Variants in LRRFIP2 observed in about 807,000 individuals in gnomAD.
LRRFIP2 encodes the protein LRR binding FLII interacting protein 2.
A neutral mutation model predicts 125.9 loss-of-function variants in LRRFIP2; 109 were observed. That is an observed-to-expected ratio of 0.87 (90% CI 0.74 to 1.01). The LOEUF is 1.01. Ranked by LOEUF, LRRFIP2 falls within the 50% of genes least tolerant of loss-of-function variation. The probability of loss-of-function intolerance (pLI) is 0.00; values close to 1 mark genes in which losing one functional copy is unlikely to be tolerated. For missense variants in LRRFIP2, 850 were observed against 862.3 expected, an observed-to-expected ratio of 0.99 and a Z score of 0.18; for synonymous variants, 291 against 293.1, an observed-to-expected ratio of 0.99 and a Z score of 0.07.
chr3:37,126,585 G>A (rs1454789442), intron 4 of LRRFIP2, among the ~76,000 whole-genome samples: 8 of 151,496 alleles, frequency 5.3e-5, no homozygotes, highest in Admixed American at 1.3e-4. Flanking sequence ...TTGGCTGGGC[G>A]CGGTGGCTCA....
At chr3:37,162,073 T>G (rs1412890743) in intron 1 of LRRFIP2, among the ~76,000 whole-genome samples, 1 of 147,968 alleles carries the variant, frequency 6.8e-6, no homozygotes, top group Non-Finnish European at 1.5e-5. Flanking sequence ...GGAGCATCGC[T>G]TGAGCCCAGG....
rs1185534448 is a variant in LRRFIP2, at chr3:37,052,651, T to C, written c.*1200A>G. 1 of 152,242 alleles carries C rather than the reference T, an allele frequency of 6.6e-6. No homozygotes were observed. The highest frequency in any genetic ancestry group is 1.5e-5 in the Non-Finnish European group (1 of 68,040). 9.4% of individuals were successfully genotyped at this position (152,242 alleles called of 1,614,324 possible). On this transcript the variant is annotated 3_prime_UTR_variant, in exon 28 of 28. Transcript: ENST00000336686. ...AAAGGAACAAATATTAGAGATTTTA[T>C]TCACTTTTGAGTTACCTTTTTAAAG... is the stretch of plus-strand genomic sequence containing the variant.
intron 20 of LRRFIP2, 146 bp from the exon 21 acceptor site, chr3:37,073,028 G>A: frequency 3.5e-6 from 2 of 573,974 alleles, no homozygotes; most frequent in Non-Finnish European, 6.1e-6. Context: ...AAATTGGTCT[G>A]CCAAAAGAAA....
At chr3:37,096,524 C>T (rs2093727404) in intron 16 of LRRFIP2, 92 bp downstream of exon 16, 1 of 801,446 alleles carries the variant, frequency 1.2e-6, no homozygotes. Flanking sequence ...GCAGCTACAT[C>T]AGACCAATTG....
chr3:37,091,281 T>C (rs1296924276), intron 18 of LRRFIP2, among the ~76,000 whole-genome samples, 186 bp downstream of exon 18: 2 of 152,026 alleles, frequency 1.3e-5, no homozygotes, highest in African/African-American at 2.4e-5. Flanking sequence ...AAAACTGTAC[T>C]ACACATTTAA....
Position 37,055,093 on chromosome 3 carries a change from T to C in LRRFIP2, c.1943A>G (p.Glu648Gly). The change falls in exon 26 of 28, where the codon GAG becomes GGG. Residue 648 changes from glutamate to glycine, a missense_variant. By Grantham distance (98) the Glu-to-Gly change is moderately conservative. Coordinates refer to ENST00000336686, the MANE Select transcript of LRRFIP2 (RefSeq NM_006309.4). ...CCATATAGAAGTACTTACACTTTGCTCCAAGGTAGTTATATCCTGTTCTGC... is the reference window on the plus strand; with the variant it reads ...CCATATAGAAGTACTTACACTTTGCCCCAAGGTAGTTATATCCTGTTCTGC... ...SKAEQDITTL[E>G]QSISRLEGQV... The C allele has an allele frequency of 1.3e-6, 2 of 1,588,738 alleles. No individual in the cohort carries two copies. The highest frequency in any genetic ancestry group is 1.7e-6 in the Non-Finnish European group (2 of 1,169,330).
chr3:37,070,376 A>T lies in LRRFIP2; in HGVS notation c.1464+2414T>A, dbSNP rs1156605391. Among the ~76,000 whole-genome samples the T allele has an allele frequency of 3.9e-5, 6 of 152,042 alleles. No individual in the cohort carries two copies. The East Asian group carries it at 1.2e-3, about 30-fold the overall frequency. On this transcript the variant is annotated intron_variant, in intron 21 of 27. Transcript: ENST00000336686. Reference sequence around the variant, plus strand: ...GGATCCACCCTCTTTGGCCTCCCAAAGTGCTGGGATTAAAGGCATAAGCCA... The same window carrying T: ...GGATCCACCCTCTTTGGCCTCCCAATGTGCTGGGATTAAAGGCATAAGCCA...
chr3:37,163,899 T>C (rs2096409766), intron 1 of LRRFIP2, among the ~76,000 whole-genome samples: 1 of 152,184 alleles, frequency 6.6e-6, no homozygotes, highest in African/African-American at 2.4e-5. Flanking sequence ...CTAGGATAAA[T>C]GTAACATGTA....
At chr3:37,125,083 T>C (rs951348928) in intron 4 of LRRFIP2, among the ~76,000 whole-genome samples, 7 of 152,104 alleles carry the variant, frequency 4.6e-5, no homozygotes, top group Non-Finnish European at 8.8e-5. Flanking sequence ...CAAAATGCTG[T>C]TTTGATACAT....
At chr3:37,093,939 A>T (rs902481811) in intron 17 of LRRFIP2, among the ~76,000 whole-genome samples, 2 of 152,040 alleles carry the variant, frequency 1.3e-5, no homozygotes, top group African/African-American at 4.8e-5. Context: ...TTTCCTTCAA[A>T]CTTTAGCTCA....
chr3:37,068,702 A>G (rs1411983895), intron 21 of LRRFIP2: 3 of 152,124 alleles, frequency 2.0e-5, no homozygotes, highest in Admixed American at 1.3e-4. Flanking sequence ...TCCCTGACCT[A>G]ACCTCAAATC....
intron 2 of LRRFIP2, among the ~76,000 whole-genome samples, chr3:37,142,960 A>T (rs756779399): frequency 1.3e-5 from 2 of 152,196 alleles, no homozygotes; most frequent in Non-Finnish European, 2.9e-5. Flanking sequence ...TATTTGGGTC[A>T]TCGGGGTGGA....
At chr3:37,168,114 T>C (rs1352643669) in intron 1 of LRRFIP2, among the ~76,000 whole-genome samples, 2 of 152,200 alleles carry the variant, frequency 1.3e-5, no homozygotes, top group Admixed American at 6.5e-5. Context: ...TGGTGGTTTC[T>C]CAAAATATTA....
At position 37,165,760 on chromosome 3, in the gene LRRFIP2, AAAAAG is replaced by A. The variant is rs201388088; in HGVS notation, c.-56+8774_-56+8778del. Among the ~76,000 whole-genome samples the A allele has an allele frequency of 4.2e-3, 630 of 150,048 alleles. 7 individuals carry two copies. Among genetic ancestry groups the A allele is most frequent in the African/African-American group, 0.012 (473 of 40,038 alleles). ...AACAAGAGAGAAACTCTGTCACAAA[AAAAAG>A]AAAAGAAAAGAAAAGAAAAGAGAAA... On this transcript the variant is annotated intron_variant, in intron 1 of 27. Coordinates refer to ENST00000336686, the MANE Select transcript of LRRFIP2 (RefSeq NM_006309.4).
At chr3:37,063,215 T>A (rs1290057810) in intron 24 of LRRFIP2, among the ~76,000 whole-genome samples, 3 of 152,178 alleles carry the variant, frequency 2.0e-5, no homozygotes, top group Non-Finnish European at 4.4e-5. Context: ...GTGTGAGTAG[T>A]GTTTAGAGGG....
intron 6 of LRRFIP2, among the ~76,000 whole-genome samples, chr3:37,117,316 A>G (rs1161468115): frequency 6.6e-6 from 1 of 152,068 alleles, no homozygotes; most frequent in Non-Finnish European, 1.5e-5. Flanking sequence ...ACTGGAAATA[A>G]CCTGTTTCAA....
Position 37,063,802 on chromosome 3 carries a change from T to TG in LRRFIP2, c.1700-12dup. 2 of 1,605,988 alleles carry TG rather than the reference T, an allele frequency of 1.2e-6. No homozygotes were observed. On this transcript the variant is annotated splice_polypyrimidine_tract_variant and intron_variant, in intron 23 of 27. Coordinates refer to ENST00000336686, the MANE Select transcript of LRRFIP2 (RefSeq NM_006309.4). Reference sequence around the variant, plus strand: ...TTCGTAGCCTTACATCTAAAACAAATGAAAAAGATCATAAACTAAATATGT... The same window carrying TG: ...TTCGTAGCCTTACATCTAAAACAAATGGAAAAAGATCATAAACTAAATATGT...
At chr3:37,105,344 A>G in intron 14 of LRRFIP2, 111 bp downstream of exon 14, 1 of 867,228 alleles carries the variant, frequency 1.2e-6, no homozygotes, top group Non-Finnish European at 1.9e-6. Context: ...AAATTTGAGG[A>G]AAATGCTCTT....
chr3:37,156,252 G>GC (rs1225287688), intron 1 of LRRFIP2, among the ~76,000 whole-genome samples: 1 of 152,120 alleles, frequency 6.6e-6, no homozygotes, highest in African/African-American at 2.4e-5. Flanking sequence ...GGCCGAGGCA[G>GC]GCAAGTTGCT....
Sources: gnomAD v4.1 joint callset for allele counts (sites outside exome capture counted in the v4.1 genomes callset) on GRCh38, gnomAD v4.1.1 for gene constraint, MANE v1.5 for transcripts, NCBI Gene and HGNC (gene_info 2026-07-23, HGNC 2026-07-21) for gene names.